The following SCAPER variants were observed in gnomAD, a reference collection of about 807,000 sequenced individuals.
The protein encoded by SCAPER is S-phase cyclin A associated protein in the ER.
Under a neutral mutation model 182.2 loss-of-function variants are expected in SCAPER, and 98 were observed. That is an observed-to-expected ratio of 0.54 (90% CI 0.46 to 0.64). The LOEUF (loss-of-function observed/expected upper bound fraction) is 0.64. SCAPER is among the 30% of genes least tolerant of loss of function. The pLI, the probability that SCAPER is intolerant of heterozygous loss-of-function variation, is 0.00. For missense variants in SCAPER, 1,432 were observed against 1,690.0 expected (o/e 0.85, Z 2.68); for synonymous variants, 605 against 564.6 (o/e 1.07, Z -1.01).
intron 17 of SCAPER, among the ~76,000 whole-genome samples, chr15:76,725,689 C>G (rs2060544538): frequency 1.3e-5 from 2 of 151,980 alleles, no homozygotes; most frequent in Non-Finnish European, 2.9e-5. Context: ...AGAAATACAG[C>G]CATTGTATGT....
At chr15:76,870,258 T>C (rs1197968383) in intron 2 of SCAPER, among the ~76,000 whole-genome samples, 1 of 152,152 alleles carries the variant, frequency 6.6e-6, no homozygotes, top group Non-Finnish European at 1.5e-5. Context: ...ATTTGAATGT[T>C]TCTAGTACAA....
At chr15:76,389,568 C>T (rs2043527279) in intron 27 of SCAPER, among the ~76,000 whole-genome samples, 1 of 135,420 alleles carries the variant, frequency 7.4e-6, no homozygotes, top group Admixed American at 7.8e-5. Context: ...AATCCCAGCA[C>T]TTTGGGAGGC....
chr15:76,453,812 A>G lies in SCAPER; in HGVS notation c.3078+17400T>C, dbSNP rs909729687. On this transcript the variant is annotated intron_variant, in intron 25 of 31. Transcript: ENST00000563290. The stretch of plus-strand genomic sequence containing the variant: ...GGTATGGCATAAGTATTTAATAAAC[A>G]AAATAAATACTTCTCTCTCACTGGT... Among the ~76,000 whole-genome samples the G allele has an allele frequency of 2.6e-5, 4 of 152,254 alleles. 1 individual carries two copies. Among genetic ancestry groups the G allele is most frequent in the Admixed American group, 2.6e-4 (4 of 15,292 alleles).
chr15:76,494,955 G>A (rs2040356465), intron 24 of SCAPER, among the ~76,000 whole-genome samples: 1 of 152,048 alleles, frequency 6.6e-6, no homozygotes, highest in Non-Finnish European at 1.5e-5. Flanking sequence ...CTAAACTGAT[G>A]ATGGAGGGTA....
At chr15:76,603,205 TC>T (rs2050060242) in intron 22 of SCAPER, among the ~76,000 whole-genome samples, 1 of 118,072 alleles carries the variant, frequency 8.5e-6, no homozygotes, top group Non-Finnish European at 2.0e-5. Context: ...CCCACAACAG[TC>T]CCCAGAGTGT....
chr15:76,718,145 G>A (rs905029194), intron 17 of SCAPER, among the ~76,000 whole-genome samples: 4 of 151,846 alleles, frequency 2.6e-5, no homozygotes, highest in African/African-American at 9.7e-5. Context: ...ATAAATAAAT[G>A]GCAATTAAAT....
At chr15:76,695,541 G>T (rs534033692) in intron 20 of SCAPER, among the ~76,000 whole-genome samples, 1 of 150,034 alleles carries the variant, frequency 6.7e-6, no homozygotes, top group Non-Finnish European at 1.5e-5. Context: ...AGGTTGCAGT[G>T]AGCCGAGATC....
chr15:76,443,759 G>C (rs2047787831), intron 25 of SCAPER, among the ~76,000 whole-genome samples: 1 of 152,188 alleles, frequency 6.6e-6, no homozygotes, highest in African/African-American at 2.4e-5. Context: ...CTGCAGACAA[G>C]AGCACAGCTT....
At chr15:76,416,516 C>T (rs1227247191) in intron 26 of SCAPER, among the ~76,000 whole-genome samples, 1 of 151,206 alleles carries the variant, frequency 6.6e-6, no homozygotes, top group Non-Finnish European at 1.5e-5. Context: ...TAAATATTTT[C>T]ATCTCTCAGT....
chr15:76,833,027 G>T (rs145860832), intron 5 of SCAPER, among the ~76,000 whole-genome samples: 1 of 152,102 alleles, frequency 6.6e-6, no homozygotes, highest in Admixed American at 6.5e-5. Flanking sequence ...CAAATTCAGG[G>T]AACTGCAAGA....
At chr15:76,641,667 A>T (rs1450322398) in intron 21 of SCAPER, among the ~76,000 whole-genome samples, 1 of 152,192 alleles carries the variant, frequency 6.6e-6, no homozygotes, top group East Asian at 1.9e-4. Flanking sequence ...GAACTTGGCT[A>T]ATTGCTCACC....
chr15:76,696,994 A>C (rs1010520576), intron 20 of SCAPER, among the ~76,000 whole-genome samples: 6 of 152,312 alleles, frequency 3.9e-5, no homozygotes, highest in African/African-American at 1.4e-4. Context: ...ACAGGCTTAA[A>C]ACAAAATGTG....
intron 6 of SCAPER, among the ~76,000 whole-genome samples, chr15:76,801,120 A>G (rs11634266): frequency 0.34 from 52,010 of 152,056 alleles, 9,184 homozygotes; most frequent in East Asian, 0.55. Context: ...TATCATTACT[A>G]GTGAAACTGA....
intron 21 of SCAPER, among the ~76,000 whole-genome samples, chr15:76,648,803 GA>G (rs1249131514): frequency 1.3e-5 from 2 of 152,174 alleles, no homozygotes; most frequent in Non-Finnish European, 2.9e-5. Flanking sequence ...TGCCAATAGG[GA>G]AAAAAGTACC....
At chr15:76,766,078 C>CGCAT (rs2063095213) in intron 11 of SCAPER, among the ~76,000 whole-genome samples, 2 of 115,026 alleles carry the variant, frequency 1.7e-5, no homozygotes, top group South Asian at 5.4e-4. Context: ...GTATCATTTG[C>CGCAT]TCATTTATTT....
chr15:76,541,005 C>T (rs1444655972), intron 23 of SCAPER, among the ~76,000 whole-genome samples: 1 of 151,668 alleles, frequency 6.6e-6, no homozygotes, highest in Admixed American at 6.6e-5. Context: ...CCTGTAATCC[C>T]AGCTACTCAG....
At chr15:76,504,757 T>C in intron 24 of SCAPER, 102 bp downstream of exon 24, 1 of 933,266 alleles carries the variant, frequency 1.1e-6, no homozygotes, top group Non-Finnish European at 1.6e-6. Context: ...TATTCAACCC[T>C]GAATACACAT....
intron 27 of SCAPER, among the ~76,000 whole-genome samples, chr15:76,398,534 C>T (rs568491599): frequency 3.3e-5 from 5 of 152,302 alleles, no homozygotes; most frequent in African/African-American, 1.2e-4. Flanking sequence ...TTAACATTTA[C>T]CTTTGCTTGA....
At chr15:76,539,331 A>T (rs2044508150) in intron 23 of SCAPER, among the ~76,000 whole-genome samples, 1 of 152,210 alleles carries the variant, frequency 6.6e-6, no homozygotes, top group Non-Finnish European at 1.5e-5. Flanking sequence ...ACTCCCAAGA[A>T]GAGAATCATT....
Sources: gnomAD v4.1 joint callset for allele counts (sites outside exome capture counted in the v4.1 genomes callset) on GRCh38, gnomAD v4.1.1 for gene constraint, MANE v1.5 for transcripts, NCBI Gene and HGNC (gene_info 2026-07-23, HGNC 2026-07-21) for gene names.